Variants in MGAM observed in about 807,000 individuals in gnomAD.
The protein encoded by MGAM is maltase-glucoamylase.
In MGAM, 253 loss-of-function variants were observed where a neutral mutation model predicts 358.8. The observed-to-expected ratio is 0.71, with a 90% confidence interval of 0.64 to 0.78. The LOEUF is 0.78. Among genes scored for constraint, MGAM ranks in the 30% least tolerant of loss-of-function variants. MGAM has a pLI of 0.00. For missense variants in MGAM, 3,080 were observed against 3,432.6 expected (o/e 0.90, Z 2.57); for synonymous variants, 1,105 against 1,227.1 (o/e 0.90, Z 2.08).
intron 1 of MGAM, among the ~76,000 whole-genome samples, chr7:141,996,954 T>A (rs1283702949): frequency 6.6e-6 from 1 of 152,040 alleles, no homozygotes; most frequent in Non-Finnish European, 1.5e-5. Context: ...AAATTGTTGT[T>A]GGCCCTTAAA....
At chr7:142,097,996 A>G (rs565231836) in intron 66 of MGAM, among the ~76,000 whole-genome samples, 54 of 152,222 alleles carry the variant, frequency 3.5e-4, no homozygotes, top group Admixed American at 1.9e-3. Flanking sequence ...TTTTGTTTTT[A>G]ATGTTTATAT....
chr7:142,060,237 T>C (rs1021028077), intron 33 of MGAM, 74 bp from the exon 34 acceptor site: 94 of 1,574,102 alleles, frequency 6.0e-5, no homozygotes, highest in Non-Finnish European at 7.8e-5. Flanking sequence ...ACGGTTTGTA[T>C]AACAATTTAT....
chr7:142,065,614 A>G lies in MGAM; in HGVS notation c.4645A>G (p.Ile1549Val). The G allele has an allele frequency of 1.9e-6, 3 of 1,613,682 alleles. No individual in the cohort carries two copies. The highest frequency in any genetic ancestry group is 2.5e-6 in the Non-Finnish European group (3 of 1,179,808). Reference sequence around the variant, plus strand: ...CATGATGGAGTTCAGCCTCTTTGGCATATCCTATGTGAGTGTCCTTGGGAT... The same window carrying G: ...CATGATGGAGTTCAGCCTCTTTGGCGTATCCTATGTGAGTGTCCTTGGGAT... ...IGMMEFSLFG[I>V]SYTGADICGF... Residue 1549 changes from isoleucine to valine, a missense_variant, in exon 39 of 71, where the codon ATA becomes GTA. Ile to Val is a conservative substitution (Grantham distance 29). Coordinates refer to ENST00000475668, the MANE Select transcript of MGAM (RefSeq NM_001365693.1).
intron 30 of MGAM, among the ~76,000 whole-genome samples, chr7:142,057,357 T>C (rs900325244): frequency 6.7e-6 from 1 of 149,024 alleles, no homozygotes; most frequent in African/African-American, 2.5e-5. Context: ...ACGGTGATAG[T>C]GGTGGTGATG....
At chr7:141,996,875 T>C (rs1175324903) in intron 1 of MGAM, among the ~76,000 whole-genome samples, 1 of 151,852 alleles carries the variant, frequency 6.6e-6, no homozygotes, top group Non-Finnish European at 1.5e-5. Context: ...AAGAGAAAGG[T>C]AGGGTATCTG....
At position 142,106,024 on chromosome 7, in the gene MGAM, T is replaced by C; in HGVS notation, c.*133T>C. 2 of 748,134 alleles carry C rather than the reference T, an allele frequency of 2.7e-6. No homozygotes were observed. Among genetic ancestry groups the C allele is most frequent in the Non-Finnish European group, 2.2e-6 (1 of 456,922 alleles). 46.3% of individuals were successfully genotyped at this position (748,134 alleles called of 1,614,324 possible). On this transcript the variant is annotated 3_prime_UTR_variant, in exon 71 of 71. Coordinates refer to ENST00000475668, the MANE Select transcript of MGAM (RefSeq NM_001365693.1). ...TGAAATATTTCTGTTAATTTTGTTA[T>C]ATGTTTTTTGTGTGAACCCTAAAGG...
At chr7:142,016,258 T>C (rs1452108961) in intron 3 of MGAM, among the ~76,000 whole-genome samples, 2 of 152,228 alleles carry the variant, frequency 1.3e-5, no homozygotes, top group African/African-American at 4.8e-5. Flanking sequence ...CTGGCTTGTC[T>C]CTATCTCTGA....
rs775703391 is a variant in MGAM at position 142,080,921 on chromosome 7, G to A, written c.5978G>A (p.Arg1993His). 2.1e-5 allele frequency: 33 copies of A among 1,555,444 alleles called. 8 individuals carry two copies. The highest frequency in any genetic ancestry group is 4.5e-5 in the South Asian group (4 of 89,142). The change falls in exon 50 of 71, where the codon CGC becomes CAC. Residue 1993 changes from arginine to histidine, a missense_variant. This residue lies in a region of MGAM where 932 missense variants were observed against 1,198.2 expected (regional missense o/e 0.78). Transcript: ENST00000475668. Reference sequence around the variant, plus strand: ...AAGAATCCATTTGGGATTGAAATTCGCCGGAAGAGTACAGGCACTATAATG... The same window carrying A: ...AAGAATCCATTTGGGATTGAAATTCACCGGAAGAGTACAGGCACTATAATG... ...IKKNPFGIEIRRKSTGTIIWD... is the reference protein window; with the variant it reads ...IKKNPFGIEIHRKSTGTIIWD...
At chr7:142,058,816 T>C (rs1811814599) in intron 31 of MGAM, among the ~76,000 whole-genome samples, 2 of 152,200 alleles carry the variant, frequency 1.3e-5, no homozygotes, top group Admixed American at 6.5e-5. Context: ...GACATACATA[T>C]GGAAAGAAAC....
intron 7 of MGAM, 39 bp from the exon 8 acceptor site, chr7:142,025,011 C>G: frequency 6.8e-7 from 1 of 1,465,532 alleles, no homozygotes; most frequent in Non-Finnish European, 9.6e-7. Context: ...GCTGAGACTT[C>G]TTAGTTGTAA....
Position 142,034,819 on chromosome 7 carries a change from T to G in MGAM, c.1937T>G (p.Phe646Cys), listed in dbSNP as rs1193215386. The G allele has an allele frequency of 6.2e-7, 1 of 1,612,728 alleles. No individual in the cohort carries two copies. Among genetic ancestry groups the G allele is most frequent in the Non-Finnish European group, 8.5e-7 (1 of 1,179,158 alleles). ...TGGTCCATCCCTGGCGTGCTTGAGT[T>G]CAACCTTTTTGGCATCCCAATGGTG... Reference protein sequence around the residue: ...LRWSIPGVLEFNLFGIPMVGP... With the variant: ...LRWSIPGVLECNLFGIPMVGP... The change falls in exon 16 of 71, where the codon TTC becomes TGC. Residue 646 changes from phenylalanine (F) to cysteine (C), a missense_variant. Around this residue, in one of 5 missense-constraint regions of MGAM, gnomAD observed 1,816 missense variants for 1,840.5 expected, o/e 0.99. Coordinates refer to ENST00000475668, the MANE Select transcript of MGAM (RefSeq NM_001365693.1).
chr7:142,065,972 T>TGTTTTG lies in MGAM; in HGVS notation c.4770+141_4770+142insGTTTTG, dbSNP rs35944134. 1,480 of 785,222 alleles carry TGTTTTG rather than the reference T, an allele frequency of 1.9e-3. 86 individuals are homozygous for TGTTTTG. Among genetic ancestry groups the TGTTTTG allele is most frequent in the African/African-American group, 0.016 (934 of 56,866 alleles). 48.6% of individuals were successfully genotyped at this position (785,222 alleles called of 1,614,324 possible). A position where few individuals can be genotyped will look rare whatever the true frequency, so the allele number is the denominator to read the frequency against. On this transcript the variant is annotated intron_variant, in intron 40 of 70. Coordinates refer to ENST00000475668, the MANE Select transcript of MGAM (RefSeq NM_001365693.1). ...TTTTTTGTTTTGTTTTGTTTTGTTTTTTTTTTTGAAACAGGGATTTACTCT... is the reference window on the plus strand; with the variant it reads ...TTTTTTGTTTTGTTTTGTTTTGTTTTGTTTTGTTTTTTTGAAACAGGGATTTACTCT...
In MGAM at chr7:142,058,274, T is replaced by C. The variant is rs2961078; in HGVS notation, c.3765T>C (p.Asn1255=). 5,357 of 1,613,936 alleles carry C rather than the reference T, an allele frequency of 3.3e-3. 146 individuals carry two copies. The African/African-American group carries it at 0.061, about 18-fold the overall frequency. The change falls in exon 31 of 71, where the codon AAT becomes AAC. Residue 1255 remains asparagine, a synonymous_variant. Coordinates refer to ENST00000475668, the MANE Select transcript of MGAM (RefSeq NM_001365693.1). ...GFQLCRYGYQ[N]DSEIASLYDE... ...AGCTGTGTCGCTATGGCTACCAGAA[T>C]GACTCTGAGATCGCCAGCTTGTATG...
In MGAM at chr7:142,087,735, A is replaced by G. The variant is rs1428089570; in HGVS notation, c.6810+1018A>G. Among the ~76,000 whole-genome samples, 2 of 146,550 alleles carry G rather than the reference A, an allele frequency of 1.4e-5. 1 individual carries two copies. Among genetic ancestry groups the G allele is most frequent in the Non-Finnish European group, 3.1e-5 (2 of 64,724 alleles). ...AAGAAGCTGACTTGTGCAGTCAGCA[A>G]TGCGGTATATGTTGTAGTGTCTAGA... On this transcript the variant is annotated intron_variant, in intron 57 of 70. Transcript: ENST00000475668.
chr7:142,024,296 C>T (rs1806745690), intron 7 of MGAM, among the ~76,000 whole-genome samples: 1 of 151,894 alleles, frequency 6.6e-6, no homozygotes, highest in African/African-American at 2.4e-5. Flanking sequence ...CGCCTGTAAT[C>T]CTAGCTACTC....
At chr7:142,080,313 C>T (rs112728294) in intron 49 of MGAM, among the ~76,000 whole-genome samples, 1 of 146,224 alleles carries the variant, frequency 6.8e-6, no homozygotes, top group South Asian at 2.2e-4. Flanking sequence ...GAGCTCACAT[C>T]CCTAGTGTCT....
intron 37 of MGAM, 112 bp from the exon 38 acceptor site, chr7:142,065,223 C>T: frequency 1.4e-6 from 2 of 1,429,492 alleles, no homozygotes; most frequent in Non-Finnish European, 1.9e-6. Context: ...CCCATGTTCC[C>T]TCCAGTCACG....
At chr7:142,076,894 CA>C in intron 47 of MGAM, 68 bp downstream of exon 47, 1 of 1,484,242 alleles carries the variant, frequency 6.7e-7, no homozygotes, top group East Asian at 2.3e-5. Flanking sequence ...TTCTTCTTGC[CA>C]AGTTTGCATG....
At position 142,064,531 on chromosome 7, in the gene MGAM, C is replaced by T; in HGVS notation, c.4484+9C>T. On this transcript the variant is annotated intron_variant, in intron 37 of 70. Transcript: ENST00000475668. Reference sequence around the variant, plus strand: ...ACCAGACCCACATACGAGTGAGTCTCCGTCTCCCTTCTCCAGCTGTCACAA... The same window carrying T: ...ACCAGACCCACATACGAGTGAGTCTTCGTCTCCCTTCTCCAGCTGTCACAA... 6.4e-7 allele frequency: 1 copy of T among 1,567,570 alleles called. No homozygotes were observed. The highest frequency in any genetic ancestry group is 2.4e-5 in the East Asian group (1 of 42,090).
Sources: allele counts gnomAD v4.1 joint callset (sites outside exome capture counted in the v4.1 genomes callset), GRCh38; gene constraint gnomAD v4.1.1; regional missense constraint gnomAD v4.1.1; transcripts MANE v1.5; gene names NCBI Gene and HGNC (gene_info 2026-07-23, HGNC 2026-07-21).